The following TMEM232 variants were observed in gnomAD, a reference collection of about 807,000 sequenced individuals.
TMEM232 encodes transmembrane protein 232.
A neutral mutation model predicts 78.8 loss-of-function variants in TMEM232; 80 were observed. The observed-to-expected ratio is 1.01, with a 90% confidence interval of 0.85 to 1.22. The LOEUF (loss-of-function observed/expected upper bound fraction) is 1.22. Ranked by LOEUF, TMEM232 falls within the 50% of genes most tolerant of loss-of-function variation. The pLI is 0.00. For synonymous variants in TMEM232, 297 were observed against 254.3 expected (o/e 1.17, Z -1.60); for missense variants, 881 against 742.2 (o/e 1.19, Z -2.17).
rs371367332 is a variant in TMEM232 at position 110,403,456 on chromosome 5, C to T, written n.309-5602G>A. 7.2e-5 allele frequency among the ~76,000 whole-genome samples: 11 copies of T among 152,154 alleles called. No individual in the cohort carries two copies. The East Asian group carries it at 1.9e-3, about 27-fold the overall frequency. Reference sequence around the variant, plus strand: ...CATATTCTTATTTTGATCTGTGCAGCTTCGGCTATCCATAGATTGTCAGAA... The same window carrying T: ...CATATTCTTATTTTGATCTGTGCAGTTTCGGCTATCCATAGATTGTCAGAA... On this transcript the variant is annotated intron_variant and non_coding_transcript_variant, in intron 2 of 8. Coordinates refer to the TMEM232 transcript ENST00000507188.
At chr5:110,434,450 T>C (rs532845502) in intron 12 of TMEM232, among the ~76,000 whole-genome samples, 2 of 151,598 alleles carry the variant, frequency 1.3e-5, no homozygotes, top group South Asian at 2.1e-4. Flanking sequence ...CATTAAAACG[T>C]TGAATAAGTA....
intron 7 of TMEM232, among the ~76,000 whole-genome samples, chr5:110,621,781 G>A (rs1485341427): frequency 1.3e-5 from 2 of 150,918 alleles, no homozygotes; most frequent in Non-Finnish European, 2.9e-5. Context: ...ACTTCCCACA[G>A]TTCTTTCGTC....
At chr5:110,605,516 T>A (rs1170741278) in intron 9 of TMEM232, among the ~76,000 whole-genome samples, 158 bp from the exon 10 acceptor site, 1 of 152,126 alleles carries the variant, frequency 6.6e-6, no homozygotes, top group Non-Finnish European at 1.5e-5. Context: ...CTGCATAAAA[T>A]ACAGTTCAAA....
At chr5:110,654,551 C>G (rs911437626) in intron 2 of TMEM232, among the ~76,000 whole-genome samples, 3 of 152,092 alleles carry the variant, frequency 2.0e-5, no homozygotes, top group Non-Finnish European at 4.4e-5. Flanking sequence ...GTTACTGTAG[C>G]CTTGTAGTAT....
chr5:110,702,176 A>C lies in TMEM232; in HGVS notation c.-13+24451T>G, dbSNP rs1005079857. The stretch of plus-strand genomic sequence containing the variant: ...AAAGAGCTATTCAAGAAAAAAAAGA[A>C]AATCTTACAATAGCCCCTGTTTTGG... On this transcript the variant is annotated intron_variant, in intron 1 of 13. Transcript: ENST00000455884. 2.6e-5 allele frequency among the ~76,000 whole-genome samples: 4 copies of C among 151,986 alleles called. No homozygotes were observed. The East Asian group carries it at 5.8e-4, about 22-fold the overall frequency.
At chr5:110,713,347 G>A (rs1489203773) in intron 1 of TMEM232, among the ~76,000 whole-genome samples, 3 of 151,704 alleles carry the variant, frequency 2.0e-5, no homozygotes, top group Non-Finnish European at 4.4e-5. Context: ...TAGTACAATG[G>A]GCTTACTATA....
At chr5:110,460,581 C>A (rs1471593836) in intron 12 of TMEM232, among the ~76,000 whole-genome samples, 2 of 152,032 alleles carry the variant, frequency 1.3e-5, no homozygotes, top group East Asian at 1.9e-4. Context: ...GTATAATTTG[C>A]CACTTCAAAC....
chr5:110,625,796 C>G (rs1441845943), intron 6 of TMEM232, among the ~76,000 whole-genome samples: 1 of 146,840 alleles, frequency 6.8e-6, no homozygotes, highest in Non-Finnish European at 1.5e-5. Flanking sequence ...ACAAAGAAAT[C>G]AATGTCATTG....
chr5:110,426,820 C>A (rs1441870414), intron 12 of TMEM232, among the ~76,000 whole-genome samples: 1 of 151,868 alleles, frequency 6.6e-6, no homozygotes, highest in Non-Finnish European at 1.5e-5. Context: ...GAAATTTGGG[C>A]AGTTTTGGTA....
intron 1 of TMEM232, among the ~76,000 whole-genome samples, chr5:110,721,673 G>GTATA (rs10522202): frequency 0.051 from 1,796 of 35,446 alleles, 264 homozygotes; most frequent in African/African-American, 0.13. Context: ...GTGTGTGTGT[G>GTATA]TATATATATA....
At chr5:110,650,187 A>G (rs1788103448) in intron 2 of TMEM232, among the ~76,000 whole-genome samples, 1 of 151,978 alleles carries the variant, frequency 6.6e-6, no homozygotes, top group Admixed American at 6.6e-5. Context: ...TTAAAATTTT[A>G]TATTTATATA....
intron 5 of TMEM232, among the ~76,000 whole-genome samples, 153 bp downstream of exon 5, chr5:110,638,045 G>T (rs573924931): frequency 1.3e-5 from 2 of 151,718 alleles, no homozygotes; most frequent in African/African-American, 2.4e-5. Context: ...CAATAATAAC[G>T]TACTACTCAC....
At chr5:110,667,174 A>G (rs1168903463) in intron 2 of TMEM232, 54 bp downstream of exon 2, 3 of 1,377,398 alleles carry the variant, frequency 2.2e-6, no homozygotes, top group African/African-American at 3.1e-5. Flanking sequence ...AGTTTTCTAT[A>G]TTTTCTAAAT....
Position 110,647,364 on chromosome 5 carries a change from G to C in TMEM232, c.126-4993C>G, listed in dbSNP as rs114359278. On this transcript the variant is annotated intron_variant, in intron 2 of 13. Transcript: ENST00000455884. ...TGGGTGGACACAATTACCAACCATA[G>C]TAATATGCACTTACACATTTCCTTT... is the stretch of plus-strand genomic sequence containing the variant. Among the ~76,000 whole-genome samples the C allele has an allele frequency of 3.2e-3, 484 of 152,006 alleles. 1 individual carries two copies. The highest frequency in any genetic ancestry group is 0.011 in the African/African-American group (466 of 41,530).
chr5:110,420,715 T>TA lies in TMEM232; in HGVS notation c.1838dup (p.Cys614MetfsTer7). On this transcript the variant is annotated frameshift_variant, in exon 14 of 14. Coordinates refer to ENST00000455884, the MANE Select transcript of TMEM232 (RefSeq NM_001039763.4). LOFTEE classifies it low-confidence loss of function (END_TRUNC). Reference sequence around the variant, plus strand: ...TATCTTTAAGTTCTTGGGCCTTGCATATTGCATCTTCTTTTTCTCGGATCT... The same window carrying TA: ...TATCTTTAAGTTCTTGGGCCTTGCATAATTGCATCTTCTTTTTCTCGGATCT... 6.6e-7 allele frequency: 1 copy of TA among 1,526,034 alleles called. No homozygotes were observed. The highest frequency in any genetic ancestry group is 8.7e-7 in the Non-Finnish European group (1 of 1,144,110). The allele number at this position is 1,526,034 out of a possible 1,614,324, so 94.5% of individuals were successfully genotyped here. A position where few individuals can be genotyped will look rare whatever the true frequency, so the allele number is the denominator to read the frequency against.
intron 12 of TMEM232, among the ~76,000 whole-genome samples, chr5:110,458,097 C>T (rs1172742170): frequency 6.6e-6 from 1 of 151,742 alleles, no homozygotes; most frequent in Non-Finnish European, 1.5e-5. Flanking sequence ...TAATTTTGTT[C>T]ATTAACTACA....
At chr5:110,702,257 C>T (rs1795506693) in intron 1 of TMEM232, among the ~76,000 whole-genome samples, 1 of 152,008 alleles carries the variant, frequency 6.6e-6, no homozygotes. Flanking sequence ...CGGCAGCATG[C>T]TGAGGGTTCT....
intron 12 of TMEM232, among the ~76,000 whole-genome samples, chr5:110,523,263 T>A (rs1333536192): frequency 1.3e-5 from 2 of 152,122 alleles, no homozygotes; most frequent in Non-Finnish European, 2.9e-5. Flanking sequence ...CTTCTTTCAT[T>A]TCTGATTCAT....
intron 8 of TMEM232, among the ~76,000 whole-genome samples, chr5:110,616,920 C>T (rs1055271627): frequency 6.6e-6 from 1 of 152,180 alleles, no homozygotes; most frequent in African/African-American, 2.4e-5. Flanking sequence ...AACAATCCCA[C>T]TTCTATGTAC....
Sources: allele counts gnomAD v4.1 joint callset (sites outside exome capture counted in the v4.1 genomes callset), GRCh38; gene constraint gnomAD v4.1.1; transcripts MANE v1.5; gene names NCBI Gene and HGNC (gene_info 2026-07-23, HGNC 2026-07-21).